The following PHF3 variants were observed in gnomAD, a reference collection of about 807,000 sequenced individuals.
The protein encoded by PHF3 is PHD finger protein 3.
PHF3 carries 41 observed loss-of-function variants against 178.4 expected under a neutral mutation model. That is an observed-to-expected ratio of 0.23 (90% CI 0.18 to 0.30). The LOEUF is 0.30. PHF3 is among the 10% of genes least tolerant of loss of function. The pLI is 1.00. For missense variants in PHF3, 2,346 were observed against 2,398.1 expected, an observed-to-expected ratio of 0.98 and a Z score of 0.45; for synonymous variants, 842 against 800.5, an observed-to-expected ratio of 1.05 and a Z score of -0.88.
chr6:63,682,972 T>C (rs553564945), intron 3 of PHF3, among the ~76,000 whole-genome samples: 2 of 152,142 alleles, frequency 1.3e-5, no homozygotes, highest in African/African-American at 4.8e-5. Context: ...CACCTAAATA[T>C]TGAAACAAAG....
At chr6:63,659,803 G>T (rs1308500036) in intron 2 of PHF3, among the ~76,000 whole-genome samples, 1 of 152,060 alleles carries the variant, frequency 6.6e-6, no homozygotes, top group Non-Finnish European at 1.5e-5. Flanking sequence ...TTGATTTTTG[G>T]GTTAGGGATA....
chr6:63,700,310 G>A (rs1177936762), intron 8 of PHF3, 40 bp from the exon 9 acceptor site: 1 of 940,748 alleles, frequency 1.1e-6, no homozygotes. Context: ...CACTCAAAAT[G>A]TTTGTCTCCC....
At chr6:63,656,679 T>G (rs535552507) in intron 2 of PHF3, among the ~76,000 whole-genome samples, 1 of 152,212 alleles carries the variant, frequency 6.6e-6, no homozygotes, top group South Asian at 2.1e-4. Context: ...AGCTGTTGTT[T>G]CCCTGTATTC....
chr6:63,663,449 A>G (rs1765552857), intron 2 of PHF3, among the ~76,000 whole-genome samples: 1 of 152,076 alleles, frequency 6.6e-6, no homozygotes, highest in African/African-American at 2.4e-5. Context: ...GGCTACCTAG[A>G]TTTCTCCAAA....
chr6:63,720,929 A>G lies in PHF3; in HGVS notation c.*7221A>G, dbSNP rs1768357152. The G allele has an allele frequency of 1.3e-6, 2 of 1,551,076 alleles. No homozygotes were observed. Among genetic ancestry groups the G allele is most frequent in the Non-Finnish European group, 1.7e-6 (2 of 1,146,652 alleles). On this transcript the variant is annotated 3_prime_UTR_variant, in exon 16 of 16. Transcript: ENST00000262043. ...TATTACAACAGAATGTGCCATTGTT[A>G]TAGCTCATAGGCACAGAGATTCTTT...
intron 2 of PHF3, among the ~76,000 whole-genome samples, chr6:63,673,295 T>G (rs1766003200): frequency 6.6e-6 from 1 of 152,134 alleles, no homozygotes. Flanking sequence ...TATTTTTTGT[T>G]TTTAAATAAA....
At chr6:63,708,914 A>T (rs1767805660) in intron 13 of PHF3, among the ~76,000 whole-genome samples, 1 of 152,126 alleles carries the variant, frequency 6.6e-6, no homozygotes, top group Non-Finnish European at 1.5e-5. Flanking sequence ...TTGGGCATGA[A>T]CTCAGACTCT....
At chr6:63,665,807 T>C (rs1185562135) in intron 2 of PHF3, among the ~76,000 whole-genome samples, 1 of 152,160 alleles carries the variant, frequency 6.6e-6, no homozygotes, top group African/African-American at 2.4e-5. Flanking sequence ...CTGTAAACAG[T>C]CTACTGTTTT....
At position 63,718,032 on chromosome 6, in the gene PHF3, T is replaced by C. The variant is rs66481681; in HGVS notation, c.*4324T>C. 0.1 allele frequency among the ~76,000 whole-genome samples: 15,659 copies of C among 152,052 alleles called. 882 individuals carry two copies. Among genetic ancestry groups the C allele is most frequent in the East Asian group, 0.16 (855 of 5,184 alleles). On this transcript the variant is annotated 3_prime_UTR_variant, in exon 16 of 16. Coordinates refer to ENST00000262043, the MANE Select transcript of PHF3 (RefSeq NM_001370348.2). Reference sequence around the variant, plus strand: ...TCACATAGGAAATCGTCAACACCATTATCACCAGGATAGCAAAAATAGGAA... The same window carrying C: ...TCACATAGGAAATCGTCAACACCATCATCACCAGGATAGCAAAAATAGGAA...
chr6:63,711,525 T>C, intron 15 of PHF3, 61 bp from the exon 16 acceptor site: 2 of 1,471,230 alleles, frequency 1.4e-6, no homozygotes, highest in Non-Finnish European at 9.2e-7. Context: ...GAGGCAGAAT[T>C]TTACCTTTTT....
At chr6:63,637,467 T>A (rs116429785) in intron 1 of PHF3, among the ~76,000 whole-genome samples, 1 of 152,254 alleles carries the variant, frequency 6.6e-6, no homozygotes, top group East Asian at 1.9e-4. Flanking sequence ...AGCATACTTA[T>A]GTTTTTGAAT....
intron 2 of PHF3, among the ~76,000 whole-genome samples, chr6:63,674,296 G>GTATA (rs377238562): frequency 5.4e-5 from 8 of 148,542 alleles, no homozygotes; most frequent in African/African-American, 2.0e-4. Flanking sequence ...ATATGTGTGT[G>GTATA]TATATATACA....
intron 4 of PHF3, among the ~76,000 whole-genome samples, chr6:63,687,806 C>T (rs896487532): frequency 2.6e-5 from 4 of 152,118 alleles, no homozygotes; most frequent in Non-Finnish European, 4.4e-5. Context: ...TTACTTGCTG[C>T]CACCTTTTGG....
rs1386430528 is a variant in PHF3, at chr6:63,703,422, T to C, written c.3232-114T>C. The C allele has an allele frequency of 2.8e-6, 3 of 1,073,266 alleles. No homozygotes were observed. In the East Asian group the frequency reaches 8.6e-5, roughly 31 times the overall value. The allele number at this position is 1,073,266 out of a possible 1,614,324, so 66.5% of individuals were successfully genotyped here. A position where few individuals can be genotyped will look rare whatever the true frequency, so the allele number is the denominator to read the frequency against. ...AACCAAAAAACAAAAATCAAAAACT[T>C]ATCTATGGAACAACTGCATTTTAGG... On this transcript the variant is annotated intron_variant, in intron 10 of 15. Coordinates refer to ENST00000262043, the MANE Select transcript of PHF3 (RefSeq NM_001370348.2).
chr6:63,692,819 T>G (rs1767065208), intron 5 of PHF3, among the ~76,000 whole-genome samples: 1 of 152,198 alleles, frequency 6.6e-6, no homozygotes, highest in South Asian at 2.1e-4. Flanking sequence ...AGCATCTAAT[T>G]GTCAGAAAGT....
At chr6:63,644,344 G>A (rs957420948) in intron 1 of PHF3, among the ~76,000 whole-genome samples, 4 of 152,082 alleles carry the variant, frequency 2.6e-5, no homozygotes, top group Non-Finnish European at 5.9e-5. Flanking sequence ...AACATTTAGT[G>A]AATATTTTCA....
chr6:63,694,586 TG>T lies in PHF3; in HGVS notation c.2504del (p.Gly835ValfsTer19). The T allele has an allele frequency of 6.7e-7, 1 of 1,498,114 alleles. No homozygotes were observed. The allele number at this position is 1,498,114 out of a possible 1,614,324, so 92.8% of individuals were successfully genotyped here. On this transcript the variant is annotated frameshift_variant, in exon 6 of 16. Coordinates refer to ENST00000262043, the MANE Select transcript of PHF3 (RefSeq NM_001370348.2). LOFTEE classifies it high-confidence loss of function. ...ATTAAGTACTCATTTTCCAGGAGTCTGGTGAAGGCAGAAATTCATCAGACTG... is the reference window on the plus strand; with the variant it reads ...ATTAAGTACTCATTTTCCAGGAGTCTGTGAAGGCAGAAATTCATCAGACTG... Reference protein sequence around the residue: ...HKVKILKRESGEGRNSSDCRD... With the variant: ...HKVKILKRESXEGRNSSDCRD...
chr6:63,701,400 T>C (rs1256980063), intron 9 of PHF3, among the ~76,000 whole-genome samples: 1 of 152,194 alleles, frequency 6.6e-6, no homozygotes, highest in East Asian at 1.9e-4. Flanking sequence ...TGTTTGGAGA[T>C]TGTGAACTTA....
intron 2 of PHF3, among the ~76,000 whole-genome samples, chr6:63,666,137 T>C (rs1251513380): frequency 6.6e-6 from 1 of 152,202 alleles, no homozygotes; most frequent in Admixed American, 6.5e-5. Context: ...TAAAGTCTAA[T>C]AAAAGCTGCT....
Sources: allele counts gnomAD v4.1 joint callset (sites outside exome capture counted in the v4.1 genomes callset), GRCh38; gene constraint gnomAD v4.1.1; transcripts MANE v1.5; gene names NCBI Gene and HGNC (gene_info 2026-07-23, HGNC 2026-07-21).